The following ABL2 variants were observed in gnomAD, a reference collection of about 807,000 sequenced individuals.
ABL2 encodes ABL proto-oncogene 2, non-receptor tyrosine kinase.
In ABL2, 49 loss-of-function variants were observed where a neutral mutation model predicts 107.7. The observed-to-expected ratio is 0.45, with a 90% CI of 0.36 to 0.58. The LOEUF is 0.58. Ranked by LOEUF, ABL2 falls within the 20% of genes least tolerant of loss-of-function variation. The pLI is 0.00. For synonymous variants in ABL2, 549 were observed against 548.6 expected (o/e 1.00, Z -0.01); for missense variants, 1,245 against 1,457.0 (o/e 0.85, Z 2.37).
intron 1 of ABL2, among the ~76,000 whole-genome samples, chr1:179,193,283 A>G (rs1450174759): frequency 6.6e-6 from 1 of 152,174 alleles, no homozygotes; most frequent in African/African-American, 2.4e-5. Flanking sequence ...AAATTTCTAA[A>G]CTTTAAAAAT....
At chr1:179,128,819 G>A (rs1655994758) in intron 3 of ABL2, among the ~76,000 whole-genome samples, 1 of 152,096 alleles carries the variant, frequency 6.6e-6, no homozygotes, top group Non-Finnish European at 1.5e-5. Flanking sequence ...AAGTACCTGG[G>A]TCTACAGGTG....
At position 179,215,694 on chromosome 1, in the gene ABL2, C is replaced by CA. The variant is rs879696561; in HGVS notation, c.157+13546dup. Among the ~76,000 whole-genome samples, 619 of 122,960 alleles carry CA rather than the reference C, an allele frequency of 5.0e-3. 2 individuals are homozygous for CA. The highest frequency in any genetic ancestry group is 0.016 in the African/African-American group (512 of 32,884). The allele number at this position is 122,960 out of a possible 152,430, so 80.7% of individuals were successfully genotyped here. A position where few individuals can be genotyped will look rare whatever the true frequency, so the allele number is the denominator to read the frequency against. Reference sequence around the variant, plus strand: ...TGGGCAACAGAGCCAGACTCTGCCTCAAAAAAAAAAAAGAAAAGAAAAGTG... The same window carrying CA: ...TGGGCAACAGAGCCAGACTCTGCCTCAAAAAAAAAAAAAGAAAAGAAAAGTG... On this transcript the variant is annotated intron_variant, in intron 1 of 11. Coordinates refer to ENST00000502732, the MANE Select transcript of ABL2 (RefSeq NM_007314.4).
At chr1:179,165,795 CTTTA>C (rs1490015786) in intron 1 of ABL2, among the ~76,000 whole-genome samples, 2 of 123,656 alleles carry the variant, frequency 1.6e-5, no homozygotes, top group Admixed American at 1.8e-4. Flanking sequence ...AGACACAAGA[CTTTA>C]TTTTTTTTTT....
rs771865478 is a variant in ABL2, at chr1:179,126,620, A to C, written c.444T>G (p.Val148=). The part of the protein sequence containing the change: ...GYNQNGEWSE[V]RSKNGQGWVP... The stretch of plus-strand genomic sequence containing the variant: ...CCCAGCCCTGCCCATTCTTAGAGCG[A>C]ACTTCACTCCACTCACCATTCTGGT... Residue 148 remains valine, a synonymous_variant, in exon 4 of 12, where the codon GTT becomes GTG. Coordinates refer to ENST00000502732, the MANE Select transcript of ABL2 (RefSeq NM_007314.4). The surrounding 1 kb of genome is among the most constrained non-coding windows in gnomAD (Gnocchi z 4.4). 6.2e-7 allele frequency: 1 copy of C among 1,614,196 alleles called. No individual in the cohort carries two copies.
At chr1:179,165,448 AC>A (rs1659324440) in intron 1 of ABL2, among the ~76,000 whole-genome samples, 1 of 152,146 alleles carries the variant, frequency 6.6e-6, no homozygotes, top group Non-Finnish European at 1.5e-5. Flanking sequence ...AAAAACTAGT[AC>A]AGCCCCAGAT....
chr1:179,194,554 CAT>C (rs1353130439), intron 1 of ABL2, among the ~76,000 whole-genome samples: 1 of 152,136 alleles, frequency 6.6e-6, no homozygotes, highest in Non-Finnish European at 1.5e-5. Flanking sequence ...TATTTACACA[CAT>C]ATTAAAACTC....
intron 7 of ABL2, among the ~76,000 whole-genome samples, 161 bp from the exon 8 acceptor site, chr1:179,117,677 A>G (rs1043303965): frequency 1.3e-5 from 2 of 152,222 alleles, no homozygotes; most frequent in Non-Finnish European, 2.9e-5. Flanking sequence ...GCCACTAATG[A>G]TATGTCACTG....
In ABL2 at chr1:179,112,327, C is replaced by A. The variant is rs1572614059; in HGVS notation, c.1633G>T (p.Asp545Tyr). The A allele has an allele frequency of 6.2e-7, 1 of 1,613,512 alleles. No individual in the cohort carries two copies. The highest frequency in any genetic ancestry group is 1.1e-5 in the South Asian group (1 of 90,988). The part of the protein sequence containing the change: ...THQAFETMFH[D>Y]SSISEEVAEE... ...TTCTCACCTTCAGAAATGCTGGAGTCATGGAACATGGTTTCAAAAGCTTGG... is the reference window on the plus strand; with the variant it reads ...TTCTCACCTTCAGAAATGCTGGAGTAATGGAACATGGTTTCAAAAGCTTGG... Residue 545 changes from aspartate (D) to tyrosine (Y), a missense_variant, in exon 10 of 12, where the codon GAC (aspartate) becomes TAC (tyrosine). Coordinates refer to ENST00000502732, the MANE Select transcript of ABL2 (RefSeq NM_007314.4).
intron 6 of ABL2, 90 bp downstream of exon 6, chr1:179,120,098 TAA>T: frequency 1.3e-6 from 1 of 787,944 alleles, no homozygotes; most frequent in Non-Finnish European, 2.0e-6. Flanking sequence ...TCTCTATATT[TAA>T]AAAGAAAAAA....
chr1:179,139,006 G>A (rs1657313504), intron 1 of ABL2, among the ~76,000 whole-genome samples: 1 of 152,214 alleles, frequency 6.6e-6, no homozygotes, highest in African/African-American at 2.4e-5. Context: ...GGCTGTGGAG[G>A]ATCTACTGGG....
At chr1:179,175,003 T>C (rs898132166) in intron 1 of ABL2, among the ~76,000 whole-genome samples, 4 of 151,596 alleles carry the variant, frequency 2.6e-5, no homozygotes, top group Admixed American at 1.3e-4. Context: ...GCTTATCCCC[T>C]GATCTTTTAG....
intron 1 of ABL2, among the ~76,000 whole-genome samples, chr1:179,166,299 T>G (rs1659374136): frequency 6.6e-6 from 1 of 151,636 alleles, no homozygotes; most frequent in Non-Finnish European, 1.5e-5. Flanking sequence ...AATCAAGAGT[T>G]AAGTGACAAC....
chr1:179,140,865 C>T (rs1254239177), intron 1 of ABL2, among the ~76,000 whole-genome samples: 1 of 152,100 alleles, frequency 6.6e-6, no homozygotes, highest in African/African-American at 2.4e-5. Context: ...GAGACTTCAT[C>T]AGGTGTGGTG....
intron 3 of ABL2, among the ~76,000 whole-genome samples, chr1:179,128,031 A>T (rs898541054): frequency 9.1e-5 from 4 of 43,854 alleles, no homozygotes; most frequent in African/African-American, 2.9e-4. Flanking sequence ...TGAGACTGCT[A>T]AAAAAAAAAA....
intron 1 of ABL2, among the ~76,000 whole-genome samples, chr1:179,168,581 T>C (rs1468637171): frequency 6.6e-6 from 1 of 152,220 alleles, no homozygotes; most frequent in Non-Finnish European, 1.5e-5. Context: ...CCAAAGCTCT[T>C]AGATGCTCTT....
At chr1:179,222,548 G>A (rs184507866) in intron 1 of ABL2, among the ~76,000 whole-genome samples, 23 of 152,108 alleles carry the variant, frequency 1.5e-4, no homozygotes, top group African/African-American at 5.1e-4. Flanking sequence ...GCGCCACCAT[G>A]CCCAGCTAAT....
chr1:179,183,052 T>C (rs1252038996), intron 1 of ABL2, among the ~76,000 whole-genome samples: 1 of 152,044 alleles, frequency 6.6e-6, no homozygotes, highest in Admixed American at 6.5e-5. Flanking sequence ...TCTCACTCTG[T>C]CACCCAGGCC....
intron 1 of ABL2, among the ~76,000 whole-genome samples, chr1:179,224,313 C>T (rs749190557): frequency 5.3e-5 from 8 of 151,992 alleles, no homozygotes; most frequent in African/African-American, 1.2e-4. Context: ...GTCGCCCAGG[C>T]TGGAGTGCAG....
intron 1 of ABL2, among the ~76,000 whole-genome samples, chr1:179,147,693 T>C (rs1658096983): frequency 6.6e-6 from 1 of 152,154 alleles, no homozygotes; most frequent in Non-Finnish European, 1.5e-5. Flanking sequence ...AATGGAATAA[T>C]ATATTCTGGA....
Sources: allele counts gnomAD v4.1 joint callset (sites outside exome capture counted in the v4.1 genomes callset), GRCh38; gene constraint gnomAD v4.1.1; non-coding constraint Gnocchi (gnomAD v3.1); transcripts MANE v1.5; gene names NCBI Gene and HGNC (gene_info 2026-07-23, HGNC 2026-07-21).